Variants in NKAIN4 observed in about 807,000 individuals in gnomAD.
NKAIN4 encodes the protein sodium/potassium-transporting ATPase subunit beta-1-interacting protein 4.
A neutral mutation model predicts 28.8 loss-of-function variants in NKAIN4; 28 were observed. That is an observed-to-expected ratio of 0.97 (90% confidence interval 0.72 to 1.33). NKAIN4 has a LOEUF of 1.33. Among genes scored for constraint, NKAIN4 ranks in the 40% most tolerant of loss-of-function variants. The pLI, the probability that NKAIN4 is intolerant of heterozygous loss-of-function variation, is 0.00. For synonymous variants in NKAIN4, 122 were observed against 115.6 expected, an observed-to-expected ratio of 1.06 and a Z score of -0.36; for missense variants, 289 against 277.2, an observed-to-expected ratio of 1.04 and a Z score of -0.30.
At position 63,240,950 on chromosome 20, in the gene NKAIN4, C is replaced by T. The variant is rs1191883575; in HGVS notation, c.*547G>A. The T allele has an allele frequency of 2.5e-5, 4 of 157,694 alleles. No homozygotes were observed. The highest frequency in any genetic ancestry group is 9.6e-5 in the African/African-American group (4 of 41,482). The allele number at this position is 157,694 out of a possible 1,614,324, so 9.8% of individuals were successfully genotyped here. ...CTGCTGTTCCTGGTCAAGCCCAGCC[C>T]CCACCCTAGGGCTCCATCAGCCTCA... On this transcript the variant is annotated 3_prime_UTR_variant, in exon 7 of 7. Transcript: ENST00000370316.
At chr20:63,250,963 C>G (rs2066948443) in intron 1 of NKAIN4, among the ~76,000 whole-genome samples, 1 of 150,854 alleles carries the variant, frequency 6.6e-6, no homozygotes, top group Admixed American at 6.6e-5. Flanking sequence ...CAAAAGACAC[C>G]TGGGCCCGGG....
intron 1 of NKAIN4, among the ~76,000 whole-genome samples, chr20:63,251,135 T>C (rs141978190): frequency 0.063 from 9,636 of 151,940 alleles, 390 homozygotes; most frequent in Middle Eastern, 0.13. Context: ...AGGGGGCCCT[T>C]GCCTGCCTGG....
chr20:63,242,743 C>A, intron 5 of NKAIN4, 120 bp from the exon 6 acceptor site: 9 of 369,758 alleles, frequency 2.4e-5, no homozygotes, highest in South Asian at 4.3e-5. Context: ...AGACAGTGCC[C>A]AAAGCCCTGA....
At chr20:63,249,011 C>T in intron 2 of NKAIN4, 116 bp from the exon 3 acceptor site, 1 of 716,312 alleles carries the variant, frequency 1.4e-6, no homozygotes, top group Admixed American at 2.1e-5. Context: ...GCCTCTGCTC[C>T]TGAGTCTGGC....
At chr20:63,241,592 G>A in intron 6 of NKAIN4, 86 bp from the exon 7 acceptor site, 1 of 1,228,058 alleles carries the variant, frequency 8.1e-7, no homozygotes, top group Non-Finnish European at 1.2e-6. Context: ...TGGAGAACCT[G>A]AAATGGAACA....
chr20:63,249,415 C>T (rs899924118), intron 2 of NKAIN4: 3 of 185,926 alleles, frequency 1.6e-5, no homozygotes, highest in Non-Finnish European at 2.3e-5. Context: ...ACCATCTGCC[C>T]TTTACAGGAA....
At position 63,252,393 on chromosome 20, in the gene NKAIN4, A is replaced by T. The variant is rs1331919083; in HGVS notation, c.54+2004T>A. On this transcript the variant is annotated intron_variant, in intron 1 of 6. Coordinates refer to ENST00000370316, the MANE Select transcript of NKAIN4 (RefSeq NM_152864.4). The surrounding 1 kb of genome is among the most constrained non-coding windows in gnomAD (Gnocchi z 4.6). ...AAAGTTCACACTGTTCTTTGGGGAG[A>T]AAGGCGCTCAGAAGAGATGCCTGGG... Among the ~76,000 whole-genome samples, 1 of 152,016 alleles carries T rather than the reference A, an allele frequency of 6.6e-6. No homozygotes were observed. Among genetic ancestry groups the T allele is most frequent in the East Asian group, 1.9e-4 (1 of 5,178 alleles).
chr20:63,241,541 C>G (rs1248722094), intron 6 of NKAIN4, 35 bp from the exon 7 acceptor site: 3 of 1,548,496 alleles, frequency 1.9e-6, no homozygotes, highest in Non-Finnish European at 2.6e-6. Flanking sequence ...CCTGGGGGAA[C>G]AGGGCTGGGG....
chr20:63,254,132 C>T (rs1004363174), intron 1 of NKAIN4: 8 of 452,272 alleles, frequency 1.8e-5, no homozygotes, highest in Non-Finnish European at 2.8e-5. Flanking sequence ...CCAGCCGCTG[C>T]CCCGCACCTG....
intron 4 of NKAIN4, 104 bp downstream of exon 4, chr20:63,247,474 G>T: frequency 6.5e-7 from 1 of 1,547,898 alleles, no homozygotes; most frequent in South Asian, 1.2e-5. Flanking sequence ...AGACACGCCT[G>T]AGGCCAGGTC....
chr20:63,248,078 C>A, intron 3 of NKAIN4: 2 of 289,966 alleles, frequency 6.9e-6, no homozygotes, highest in Non-Finnish European at 6.4e-6. Context: ...GTGTCGCTGG[C>A]CAAAGCTGCC....
intron 2 of NKAIN4, 38 bp downstream of exon 2, chr20:63,249,897 C>G (rs201433476): frequency 4.7e-5 from 75 of 1,584,344 alleles, no homozygotes; most frequent in Non-Finnish European, 6.1e-5. Context: ...GTCACCTCAA[C>G]CCACCTGCCC....
intron 2 of NKAIN4, 66 bp from the exon 3 acceptor site, chr20:63,248,961 C>A (rs2066908821): frequency 2.7e-6 from 3 of 1,104,898 alleles, no homozygotes; most frequent in Non-Finnish European, 2.7e-6. Flanking sequence ...TTGCATCCAG[C>A]CCCCGGGGGA....
chr20:63,241,666 G>A, intron 6 of NKAIN4, 160 bp from the exon 7 acceptor site: 1 of 729,038 alleles, frequency 1.4e-6, no homozygotes, highest in East Asian at 2.7e-5. Flanking sequence ...CTGAGGCTCT[G>A]GAAAGCCCCC....
At position 63,243,908 on chromosome 20, in the gene NKAIN4, C is replaced by T. The variant is rs73921005; in HGVS notation, c.532+116G>A. On this transcript the variant is annotated intron_variant, in intron 5 of 6. Transcript: ENST00000370316. ...CGGCCGTGAGCAAGGCCCTGCTGGG[C>T]GTGAGGTCCCTTCCAAGTGGGGAGG... is the stretch of plus-strand genomic sequence containing the variant. 8.5e-3 allele frequency: 6,916 copies of T among 811,568 alleles called. 322 individuals are homozygous for T. In the African/African-American group the frequency reaches 0.1, roughly 12 times the overall value. 50.3% of individuals were successfully genotyped at this position (811,568 alleles called of 1,614,324 possible). A position where few individuals can be genotyped will look rare whatever the true frequency, so the allele number is the denominator to read the frequency against.
chr20:63,241,176 G>C lies in NKAIN4; in HGVS notation c.*321C>G, dbSNP rs945538096. The C allele has an allele frequency of 9.9e-5, 34 of 342,986 alleles. No homozygotes were observed. The highest frequency in any genetic ancestry group is 6.4e-5 in the Non-Finnish European group (12 of 186,296). 21.2% of individuals were successfully genotyped at this position (342,986 alleles called of 1,614,324 possible). On this transcript the variant is annotated 3_prime_UTR_variant, in exon 7 of 7. Transcript: ENST00000370316. ...TGAGGGAGGGGCTCCTCGACGAGAC[G>C]ACAGCCTGGGGGCAGAGCTGTGACC...
chr20:63,245,110 C>T lies in NKAIN4; in HGVS notation c.472-1026G>A, dbSNP rs1293161435. ...GGCTCCGTCCCCCCGACCCCCGACC[C>T]CATCTGGTACAGGCAAGTTGGTGGT... On this transcript the variant is annotated intron_variant, in intron 4 of 6. Transcript: ENST00000370316. The surrounding 1 kb of genome is among the most constrained non-coding windows in gnomAD (Gnocchi z 4.7). Among the ~76,000 whole-genome samples the T allele has an allele frequency of 6.6e-6, 1 of 152,184 alleles. No individual in the cohort carries two copies. Among genetic ancestry groups the T allele is most frequent in the Non-Finnish European group, 1.5e-5 (1 of 68,036 alleles).
intron 4 of NKAIN4, 85 bp from the exon 5 acceptor site, chr20:63,244,169 A>G: frequency 4.0e-6 from 5 of 1,237,390 alleles, no homozygotes; most frequent in Non-Finnish European, 5.8e-6. Context: ...GAAGCACTGG[A>G]GCGCCCCTGA....
At chr20:63,250,895 C>G (rs1426687269) in intron 1 of NKAIN4, among the ~76,000 whole-genome samples, 3 of 148,382 alleles carry the variant, frequency 2.0e-5, no homozygotes, top group East Asian at 4.0e-4. Flanking sequence ...CCCCATCCCC[C>G]ACCCCAGCCG....
Sources: gnomAD v4.1 joint callset for allele counts (sites outside exome capture counted in the v4.1 genomes callset) on GRCh38, gnomAD v4.1.1 for gene constraint, Gnocchi (gnomAD v3.1) non-coding constraint, MANE v1.5 for transcripts, NCBI Gene and HGNC (gene_info 2026-07-23, HGNC 2026-07-21) for gene names.